The following SRRM2 variants were observed in gnomAD, a reference collection of about 807,000 sequenced individuals.
The protein encoded by SRRM2 is serine/arginine repetitive matrix protein 2.
In SRRM2, 30 loss-of-function variants were observed where a neutral mutation model predicts 213.8. That is an observed-to-expected ratio of 0.14 (90% CI 0.10 to 0.19). SRRM2 has a LOEUF of 0.19. SRRM2 is among the 10% of genes least tolerant of loss of function. SRRM2 has a pLI of 1.00. For synonymous variants in SRRM2, 2,025 were observed against 1,377.7 expected, an observed-to-expected ratio of 1.47 and a Z score of -10.40; for missense variants, 4,904 against 3,647.0, an observed-to-expected ratio of 1.34 and a Z score of -8.88.
At position 2,763,650 on chromosome 16, in the gene SRRM2, C is replaced by G. The variant is rs770068692; in HGVS notation, c.3122C>G (p.Ser1041Cys). Residue 1041 changes from serine to cysteine, a missense_variant, in exon 11 of 15, where the codon TCT becomes TGT. Physicochemically the swap from Ser to Cys is moderately radical, Grantham distance 112 (BLOSUM62 -1). Transcript: ENST00000301740. Reference sequence around the variant, plus strand: ...CTCTCTCTCTGTGCAGGAGTAAAATCTAGCACACCACCAGGCGAGAGCTAT... The same window carrying G: ...CTCTCTCTCTGTGCAGGAGTAAAATGTAGCACACCACCAGGCGAGAGCTAT... ...GSLSLCAGVK[S>C]STPPGESYFG... 2 of 1,614,168 alleles carry G rather than the reference C, an allele frequency of 1.2e-6. No individual in the cohort carries two copies. Among genetic ancestry groups the G allele is most frequent in the Admixed American group, 1.7e-5 (1 of 60,024 alleles).
Position 2,758,940 on chromosome 16 carries a change from G to C in SRRM2, c.594-45G>C, listed in dbSNP as rs771924101. On this transcript the variant is annotated intron_variant, in intron 5 of 14. Coordinates refer to ENST00000301740, the MANE Select transcript of SRRM2 (RefSeq NM_016333.4). The stretch of plus-strand genomic sequence containing the variant: ...GAGAGATTGTAAGTGGGAGGGCCAG[G>C]AAAGAAGCCAAGCAGGATGAGCTTG... The C allele has an allele frequency of 8.1e-6, 13 of 1,611,564 alleles. No homozygotes were observed. The Admixed American group carries it at 2.0e-4, about 25-fold the overall frequency.
rs930903465 is a variant in SRRM2, at chr16:2,760,777, C to T, written c.1032+278C>T. ...AACTGGAACAAACGTTGTATCTTAT[C>T]TGTGTACTCCGTATGATGCCTCTAG... On this transcript the variant is annotated intron_variant, in intron 10 of 14. Coordinates refer to ENST00000301740, the MANE Select transcript of SRRM2 (RefSeq NM_016333.4). The T allele has an allele frequency of 1.8e-5, 7 of 389,244 alleles. No individual in the cohort carries two copies. The East Asian group carries it at 2.1e-4, about 12-fold the overall frequency. The allele number at this position is 389,244 out of a possible 1,614,324, so 24.1% of individuals were successfully genotyped here.
In SRRM2 at chr16:2,764,055, C is replaced by T. The variant is rs147634161; in HGVS notation, c.3527C>T (p.Ala1176Val). The T allele has an allele frequency of 3.7e-6, 6 of 1,614,116 alleles. No homozygotes were observed. In the South Asian group the frequency reaches 6.6e-5, roughly 18 times the overall value. The part of the protein sequence containing the change: ...EKMALPPQED[A>V]TASPPRQKDK... ...ATGGCCTTACCCCCTCAGGAGGATG[C>T]TACTGCATCACCTCCTAGACAGAAA... The change falls in exon 11 of 15, where the codon GCT (alanine) becomes GTT (valine). Residue 1176 changes from alanine (A) to valine (V), a missense_variant. Ala to Val is a moderately conservative substitution (Grantham distance 64). Coordinates refer to ENST00000301740, the MANE Select transcript of SRRM2 (RefSeq NM_016333.4).
chr16:2,766,562 C>T lies in SRRM2; in HGVS notation c.6034C>T (p.Pro2012Ser), dbSNP rs1417848749. The change falls in exon 11 of 15, where the codon CCA (proline) becomes TCA (serine). Residue 2012 changes from proline (P) to serine (S), a missense_variant. By Grantham distance (74) the Pro-to-Ser change is moderately conservative. Transcript: ENST00000301740. This position sits in a 1 kb window ranked among gnomAD's most constrained non-coding sequence, Gnocchi z 7.0. ...TRRRSRSRTS[P>S]VTRRRSRSRT... The stretch of plus-strand genomic sequence containing the variant: ...AAGAAGGTCCCGCTCTCGAACCTCA[C>T]CAGTGACACGCCGCCGCTCTAGGTC... The T allele has an allele frequency of 6.2e-7, 1 of 1,614,178 alleles. No individual in the cohort carries two copies. The highest frequency in any genetic ancestry group is 8.5e-7 in the Non-Finnish European group (1 of 1,180,030).
chr16:2,767,737 C>G lies in SRRM2; in HGVS notation c.7209C>G (p.Asp2403Glu), dbSNP rs575625125. 5 of 1,613,806 alleles carry G rather than the reference C, an allele frequency of 3.1e-6. No individual in the cohort carries two copies. The East Asian group carries it at 6.7e-5, about 22-fold the overall frequency. Residue 2403 changes from aspartate (D) to glutamate (E), a missense_variant, in exon 11 of 15, where the codon GAC (aspartate) becomes GAG (glutamate). Asp to Glu is a conservative substitution (Grantham distance 45). Transcript: ENST00000301740. ...GCAGAACCTCACCACCGCTCCTTGACCGAGCTAGGTCCAGAACACCACCGT... is the reference window on the plus strand; with the variant it reads ...GCAGAACCTCACCACCGCTCCTTGAGCGAGCTAGGTCCAGAACACCACCGT... ...VSGRTSPPLL[D>E]RARSRTPPSA...
At position 2,763,299 on chromosome 16, in the gene SRRM2, C is replaced by T. The variant is rs945151278; in HGVS notation, c.2771C>T (p.Ser924Leu). The change falls in exon 11 of 15, where the codon TCA becomes TTA. Residue 924 changes from serine to leucine, a missense_variant. Coordinates refer to ENST00000301740, the MANE Select transcript of SRRM2 (RefSeq NM_016333.4). ...SPQPKVKAII[S>L]PRQRSHSGSS... is the part of the protein sequence containing the mutation. ...CAACCCAAAGTGAAGGCAATAATAT[C>T]ACCAAGACAAAGAAGCCATTCTGGC... 1.2e-6 allele frequency: 2 copies of T among 1,614,072 alleles called. No homozygotes were observed. The highest frequency in any genetic ancestry group is 1.7e-5 in the Admixed American group (1 of 60,008).
Position 2,767,869 on chromosome 16 carries a change from G to A in SRRM2, c.7341G>A (p.Pro2447=), listed in dbSNP as rs771643977. 35 of 1,613,982 alleles carry A rather than the reference G, an allele frequency of 2.2e-5. No homozygotes were observed. Among genetic ancestry groups the A allele is most frequent in the Non-Finnish European group, 2.7e-5 (32 of 1,180,010 alleles). The change falls in exon 11 of 15, where the codon CCG becomes CCA. Residue 2447 remains proline, a synonymous_variant. Transcript: ENST00000301740. ...TTCTCCCTCCAGCACAGGATCAGCC[G>A]AGGTCTCCTGTGCCTTCTGCTTTTT... ...QSLLPPAQDQ[P]RSPVPSAFSD... is the part of the protein sequence containing the mutation.
chr16:2,754,021 T>C (rs1270546033), intron 1 of SRRM2, among the ~76,000 whole-genome samples: 2 of 152,218 alleles, frequency 1.3e-5, no homozygotes, highest in Non-Finnish European at 2.9e-5. Context: ...AAAGGGTGTT[T>C]TTGTCTTCCT....
intron 1 of SRRM2, among the ~76,000 whole-genome samples, 190 bp downstream of exon 1, chr16:2,753,036 A>ACCCCCCCCCCCCCC (rs5815132): frequency 1.0e-4 from 14 of 138,418 alleles, no homozygotes; most frequent in East Asian, 2.2e-4. Flanking sequence ...CGCGGGCTTC[A>ACCCCCCCCCCCCCC]CCCCCCCCCG....
In SRRM2 at chr16:2,767,573, C is replaced by T. The variant is rs778569798; in HGVS notation, c.7045C>T (p.Pro2349Ser). 1.9e-6 allele frequency: 3 copies of T among 1,614,222 alleles called. No individual in the cohort carries two copies. The highest frequency in any genetic ancestry group is 2.5e-6 in the Non-Finnish European group (3 of 1,180,034). Residue 2349 changes from proline (P) to serine (S), a missense_variant, in exon 11 of 15, where the codon CCT (proline) becomes TCT (serine). Pro to Ser is a moderately conservative substitution (Grantham distance 74, BLOSUM62 -1). Coordinates refer to ENST00000301740, the MANE Select transcript of SRRM2 (RefSeq NM_016333.4). ...TCCTCGGTCTGCACATGCCACAGCTCCTGTGAATATTGCCGGCTCCAGAAC... is the reference window on the plus strand; with the variant it reads ...TCCTCGGTCTGCACATGCCACAGCTTCTGTGAATATTGCCGGCTCCAGAAC... ...VGPRSAHATAPVNIAGSRTAA... is the reference protein window; with the variant it reads ...VGPRSAHATASVNIAGSRTAA...
chr16:2,764,682 A>C lies in SRRM2; in HGVS notation c.4154A>C (p.Glu1385Ala). Residue 1385 changes from glutamate to alanine, a missense_variant, in exon 11 of 15, where the codon GAG becomes GCG. Physicochemically the swap from Glu to Ala is moderately radical, Grantham distance 107. Transcript: ENST00000301740. ...STRSSGHSSS[E>A]LSPDAVEKAG... ...AGATCCTCTGGACACAGCAGTTCTG[A>C]GTTATCCCCAGATGCAGTGGAAAAG... 1.2e-6 allele frequency: 2 copies of C among 1,614,148 alleles called. No individual in the cohort carries two copies. Among genetic ancestry groups the C allele is most frequent in the Non-Finnish European group, 1.7e-6 (2 of 1,180,044 alleles).
At position 2,767,666 on chromosome 16, in the gene SRRM2, C is replaced by G. The variant is rs149458303; in HGVS notation, c.7138C>G (p.Leu2380Val). Residue 2380 changes from leucine to valine, a missense_variant, in exon 11 of 15, where the codon CTC (leucine) becomes GTC (valine). Leu to Val is a conservative substitution (Grantham distance 32). Transcript: ENST00000301740. ...GGCTCCAGCATTGTCTGGTGCAAAC[C>G]TCACCAGCCCCAGGGTGCCCCTTTC... ...RMAPALSGAN[L>V]TSPRVPLSAY... The G allele has an allele frequency of 2.2e-4, 360 of 1,614,108 alleles. No homozygotes were observed. The highest frequency in any genetic ancestry group is 2.9e-4 in the Non-Finnish European group (342 of 1,180,022).
Position 2,756,331 on chromosome 16 carries a change from CAGG to C in SRRM2, c.-31_-29del. The C allele has an allele frequency of 6.4e-7, 1 of 1,565,662 alleles. No individual in the cohort carries two copies. Among genetic ancestry groups the C allele is most frequent in the African/African-American group, 1.4e-5 (1 of 73,954 alleles). ...TGACCCGTGTCTCCCCGCTCCCCCT[CAGG>C]AGCGGTGGTGCCCCCCCCGGGCACG... On this transcript the variant is annotated splice_acceptor_variant and 5_prime_UTR_variant, in exon 2 of 15. Transcript: ENST00000301740. LOFTEE classifies it low-confidence loss of function (5UTR_SPLICE).
In SRRM2 at chr16:2,766,577, C is replaced by A. The variant is rs201534904; in HGVS notation, c.6049C>A (p.Arg2017Ser). ...RSRTSPVTRR[R>S]SRSRTPPAIR... ...TCGAACCTCACCAGTGACACGCCGCCGCTCTAGGTCCCGGACACCTCCAGC... is the reference window on the plus strand; with the variant it reads ...TCGAACCTCACCAGTGACACGCCGCAGCTCTAGGTCCCGGACACCTCCAGC... Residue 2017 changes from arginine (R) to serine (S), a missense_variant, in exon 11 of 15, where the codon CGC becomes AGC. Arg to Ser is a moderately radical substitution (Grantham distance 110). Coordinates refer to ENST00000301740, the MANE Select transcript of SRRM2 (RefSeq NM_016333.4). This position sits in a 1 kb window ranked among gnomAD's most constrained non-coding sequence, Gnocchi z 7.0. 6.2e-7 allele frequency: 1 copy of A among 1,614,156 alleles called. No individual in the cohort carries two copies. Among genetic ancestry groups the A allele is most frequent in the Non-Finnish European group, 8.5e-7 (1 of 1,180,014 alleles).
At chr16:2,760,809 C>T (rs537597756) in intron 10 of SRRM2, 99 of 262,598 alleles carry the variant, frequency 3.8e-4, no homozygotes, top group African/African-American at 1.5e-3. Flanking sequence ...CTAGTTTCTT[C>T]TCTTTTTTCA....
Position 2,765,619 on chromosome 16 carries a change from A to G in SRRM2, c.5091A>G (p.Leu1697=). Reference sequence around the variant, plus strand: ...GCAGCTCTCGATCATCTCCGGAGCTAACAAGGAAGGCCAGACTGTCCCGTA... The same window carrying G: ...GCAGCTCTCGATCATCTCCGGAGCTGACAAGGAAGGCCAGACTGTCCCGTA... ...RRRSSRSSPE[L]TRKARLSRRS... The change falls in exon 11 of 15, where the codon CTA becomes CTG. Residue 1697 remains leucine (L), a synonymous_variant. Coordinates refer to ENST00000301740, the MANE Select transcript of SRRM2 (RefSeq NM_016333.4). 6.2e-7 allele frequency: 1 copy of G among 1,614,168 alleles called. No homozygotes were observed. The highest frequency in any genetic ancestry group is 8.5e-7 in the Non-Finnish European group (1 of 1,180,034).
intron 11 of SRRM2, chr16:2,768,577 C>T (rs777934696): frequency 1.6e-6 from 1 of 637,152 alleles, no homozygotes; most frequent in Non-Finnish European, 2.9e-6. Context: ...GAGGAACTCC[C>T]TGGGCTGGAA....
Position 2,762,105 on chromosome 16 carries a change from G to A in SRRM2, c.1577G>A (p.Arg526Lys), listed in dbSNP as rs748264188. The stretch of plus-strand genomic sequence containing the variant: ...TCTGCACAGAGGTGGGGAAGATCTA[G>A]AAGCCCCCAGCGACGTGGCCGCTCT... The part of the protein sequence containing the change: ...SRSAQRWGRS[R>K]SPQRRGRSRS... The change falls in exon 11 of 15, where the codon AGA becomes AAA. Residue 526 changes from arginine to lysine, a missense_variant. Physicochemically the swap from Arg to Lys is conservative, Grantham distance 26. Transcript: ENST00000301740. The A allele has an allele frequency of 6.2e-7, 1 of 1,614,224 alleles. No homozygotes were observed.
rs778404576 is a variant in SRRM2, at chr16:2,759,606, G to A, written c.778G>A (p.Ala260Thr). ...STTPAPKSRRAHRSTSADSAS... is the reference protein window; with the variant it reads ...STTPAPKSRRTHRSTSADSAS... Reference sequence around the variant, plus strand: ...AACACCAGCCCCCAAGAGCCGCCGGGCCCACCGTTCAACTTCTGCTGACTC... The same window carrying A: ...AACACCAGCCCCCAAGAGCCGCCGGACCCACCGTTCAACTTCTGCTGACTC... Residue 260 changes from alanine to threonine, a missense_variant, in exon 9 of 15, where the codon GCC (alanine) becomes ACC (threonine). Physicochemically the swap from Ala to Thr is moderately conservative, Grantham distance 58. Transcript: ENST00000301740. 6.2e-7 allele frequency: 1 copy of A among 1,614,104 alleles called. No homozygotes were observed. Among genetic ancestry groups the A allele is most frequent in the Non-Finnish European group, 8.5e-7 (1 of 1,180,006 alleles).
Sources: allele counts gnomAD v4.1 joint callset (sites outside exome capture counted in the v4.1 genomes callset), GRCh38; gene constraint gnomAD v4.1.1; non-coding constraint Gnocchi (gnomAD v3.1); transcripts MANE v1.5; gene names NCBI Gene and HGNC (gene_info 2026-07-23, HGNC 2026-07-21).